ZBED6: variants seen among roughly 807,000 people sequenced by gnomAD.
ZBED6 encodes the protein zinc finger BED-type containing 6, also known as zinc finger BED domain-containing protein 6.
ZBED6 carries 40 observed loss-of-function variants against 58.4 expected under a neutral mutation model. The observed-to-expected ratio is 0.68, with a 90% confidence interval of 0.53 to 0.89. The LOEUF (loss-of-function observed/expected upper bound fraction) is 0.89, where lower values mean the gene tolerates loss of function less well. Ranked by LOEUF, ZBED6 falls within the 40% of genes least tolerant of loss-of-function variation. The probability of loss-of-function intolerance (pLI) is 0.00; values close to 1 mark genes in which losing one functional copy is unlikely to be tolerated. For synonymous variants in ZBED6, 439 were observed against 350.6 expected, an observed-to-expected ratio of 1.25 and a Z score of -2.82; for missense variants, 1,057 against 1,003.9, an observed-to-expected ratio of 1.05 and a Z score of -0.71.
chr1:203,802,511 A>G (rs1670829205), exon 1 of ZBED6: 2 of 152,640 alleles, frequency 1.3e-5, no homozygotes, highest in South Asian at 2.1e-4. Context: ...ACATACAAGT[A>G]TGCTTTTATT....
intron 9 of ZBED6, among the ~76,000 whole-genome samples, chr1:203,836,961 G>A (rs1684543609): frequency 6.6e-6 from 1 of 152,126 alleles, no homozygotes. Context: ...TTCTTAACCT[G>A]TCTTCCTCAT....
intron 3 of ZBED6, among the ~76,000 whole-genome samples, chr1:203,819,513 T>C (rs1474924265): frequency 1.2e-4 from 17 of 140,504 alleles, no homozygotes; most frequent in African/African-American, 1.8e-4. Flanking sequence ...TGAGCCACCG[T>C]GCCCAGCTGA....
intron 2 of ZBED6, among the ~76,000 whole-genome samples, chr1:203,817,417 C>T (rs1268294565): frequency 6.7e-6 from 1 of 149,658 alleles, no homozygotes; most frequent in Non-Finnish European, 1.5e-5. Context: ...GAAATGGGGC[C>T]ACTTTGACCT....
chr1:203,836,554 C>G (rs1396039925), intron 9 of ZBED6, among the ~76,000 whole-genome samples: 1 of 152,134 alleles, frequency 6.6e-6, no homozygotes, highest in Non-Finnish European at 1.5e-5. Context: ...TCGAGACCGG[C>G]CTGATCAACA....
At chr1:203,829,733 A>G in intron 5 of ZBED6, 47 bp from the exon 6 acceptor site, 2 of 1,611,960 alleles carry the variant, frequency 1.2e-6, no homozygotes, top group South Asian at 1.1e-5. Flanking sequence ...GATTAAAGCT[A>G]TAGGCGTATT....
intron 9 of ZBED6, among the ~76,000 whole-genome samples, chr1:203,835,170 TAAA>T (rs1319257365): frequency 6.6e-6 from 1 of 152,206 alleles, no homozygotes; most frequent in African/African-American, 2.4e-5. Context: ...CTCTAAGTAA[TAAA>T]AAACTTTCAG....
intron 4 of ZBED6, 129 bp downstream of exon 4, chr1:203,828,551 T>TCTGTA: frequency 8.7e-7 from 1 of 1,151,844 alleles, no homozygotes; most frequent in Non-Finnish European, 1.2e-6. Flanking sequence ...ACTTTACAGA[T>TCTGTA]AAGTGAACTG....
In ZBED6 at chr1:203,833,107, C is replaced by T. The variant is rs529706756; in HGVS notation, c.*3511-684C>T. ...AAATTAGGCTGGGTGTGGTGGCTCA[C>T]GCCTGTAATCCCGGCACTTTGGGAG... On this transcript the variant is annotated intron_variant, in intron 8 of 16. Coordinates refer to ENST00000550078, the Ensembl canonical transcript of ZBED6. Among the ~76,000 whole-genome samples the T allele has an allele frequency of 2.8e-4, 42 of 152,206 alleles. No homozygotes were observed. The East Asian group carries it at 5.8e-3, about 21-fold the overall frequency.
chr1:203,828,039 AT>A (rs1287002525), intron 3 of ZBED6, among the ~76,000 whole-genome samples: 1 of 120,642 alleles, frequency 8.3e-6, no homozygotes, highest in African/African-American at 2.5e-5. Flanking sequence ...GCTTCTCTAA[AT>A]TAAGTGTAGA....
exon 5 of ZBED6, chr1:203,829,564 G>A (rs142418357): frequency 8.7e-6 from 14 of 1,614,028 alleles, no homozygotes; most frequent in East Asian, 6.7e-5. Context: ...GCTGCGGAGC[G>A]TTATGAAAGT....
At chr1:203,849,942 A>G in exon 14 of ZBED6, 1 of 1,614,100 alleles carries the variant, frequency 6.2e-7, no homozygotes, top group South Asian at 1.1e-5. Flanking sequence ...GTCATCCCAG[A>G]AGGTGGAGGT....
chr1:203,839,903 A>T (rs554628890), intron 10 of ZBED6, among the ~76,000 whole-genome samples: 1 of 152,270 alleles, frequency 6.6e-6, no homozygotes, highest in East Asian at 1.9e-4. Flanking sequence ...TCCCGGGTTC[A>T]AACGATTCTC....
exon 1 of ZBED6, chr1:203,798,826 G>A: frequency 1.3e-6 from 2 of 1,536,118 alleles, no homozygotes. Flanking sequence ...GCCTTTCAGA[G>A]GTTCATGCAG....
At position 203,840,746 on chromosome 1, in the gene ZBED6, G is replaced by A. The variant is rs182748162; in HGVS notation, c.*3741+372G>A. 1.9e-3 allele frequency among the ~76,000 whole-genome samples: 283 copies of A among 152,040 alleles called. 2 individuals are homozygous for A. The highest frequency in any genetic ancestry group is 6.5e-3 in the African/African-American group (268 of 41,468). On this transcript the variant is annotated intron_variant, in intron 11 of 16. Coordinates refer to ENST00000550078, the Ensembl canonical transcript of ZBED6. ...CCTCCTGGGTTCAAGCAATTCCCCT[G>A]CCTCAGCCTACCGAGTAGCTAGAAT...
intron 3 of ZBED6, among the ~76,000 whole-genome samples, chr1:203,819,220 CT>C (rs200161052): frequency 3.0e-5 from 4 of 133,788 alleles, no homozygotes; most frequent in Non-Finnish European, 3.3e-5. Flanking sequence ...TTTTTTCTTT[CT>C]TTTTATTTTT....
At position 203,810,776 on chromosome 1, in the gene ZBED6, T is replaced by C. The variant is rs142064720; in HGVS notation, c.*2555-6150T>C. On this transcript the variant is annotated intron_variant, in intron 1 of 16. Coordinates refer to ENST00000550078, the Ensembl canonical transcript of ZBED6. ...TTGAAACATTAGTAAGGGAGTGTTA[T>C]CTACTCAGGATTCCATTTCTCCACA... Among the ~76,000 whole-genome samples the C allele has an allele frequency of 8.1e-3, 1,232 of 152,132 alleles. 29 individuals carry two copies. The highest frequency in any genetic ancestry group is 0.028 in the African/African-American group (1,162 of 41,498).
rs563967040 is a variant in ZBED6 at position 203,847,308 on chromosome 1, T to C, written c.*3866T>C. ...AGACAGAAGGACCTTCAAAAACTGA[T>C]GATTCTACTTCAGGAGCAAGAAGCT... On this transcript the variant is annotated 3_prime_UTR_variant, in exon 12 of 17. Transcript: ENST00000550078. The C allele has an allele frequency of 2.9e-5, 46 of 1,613,896 alleles. No individual in the cohort carries two copies. The Middle Eastern group carries it at 5.0e-4, about 17-fold the overall frequency.
intron 1 of ZBED6, among the ~76,000 whole-genome samples, chr1:203,807,478 T>C (rs538707320): frequency 7.0e-4 from 106 of 151,954 alleles, no homozygotes; most frequent in Middle Eastern, 3.4e-3. Flanking sequence ...GACTGTTTTT[T>C]GGGTTTGTAA....
chr1:203,799,613 G>A, exon 1 of ZBED6: 1 of 703,178 alleles, frequency 1.4e-6, no homozygotes, highest in South Asian at 1.5e-5. Flanking sequence ...CATTTGAGGA[G>A]GCTACCCAGA....
Sources: gnomAD v4.1 joint callset for allele counts (sites outside exome capture counted in the v4.1 genomes callset) on GRCh38, gnomAD v4.1.1 for gene constraint, MANE v1.5 for transcripts, NCBI Gene and HGNC (gene_info 2026-07-23, HGNC 2026-07-21) for gene names.